RNF220: variants seen among roughly 807,000 people sequenced by gnomAD.
RNF220 encodes the protein E3 ubiquitin-protein ligase RNF220.
A neutral mutation model predicts 67.1 loss-of-function variants in RNF220; 7 were observed. The observed-to-expected ratio is 0.10, with a 90% CI of 0.06 to 0.20. RNF220 has a LOEUF of 0.20. Ranked by LOEUF, RNF220 falls within the 10% of genes least tolerant of loss-of-function variation. The pLI is 1.00. For synonymous variants in RNF220, 270 were observed against 283.2 expected, an observed-to-expected ratio of 0.95 and a Z score of 0.47; for missense variants, 565 against 740.3, an observed-to-expected ratio of 0.76 and a Z score of 2.75.
chr1:44,468,210 A>G (rs1654457345), intron 2 of RNF220, among the ~76,000 whole-genome samples: 1 of 144,554 alleles, frequency 6.9e-6, no homozygotes, highest in African/African-American at 2.5e-5. Context: ...TGTAATGTCT[A>G]CAAAGTGCAA....
chr1:44,418,757 A>G (rs1366718842), intron 2 of RNF220, among the ~76,000 whole-genome samples: 1 of 152,102 alleles, frequency 6.6e-6, no homozygotes, highest in African/African-American at 2.4e-5. Context: ...ATATTTTTAT[A>G]TTGGTTTTCT....
chr1:44,568,049 C>T (rs1328147018), intron 2 of RNF220, among the ~76,000 whole-genome samples: 6 of 152,322 alleles, frequency 3.9e-5, no homozygotes, highest in East Asian at 1.9e-4. Context: ...AGAGAATCAG[C>T]GCTGTGTCAC....
chr1:44,492,908 C>T lies in RNF220; in HGVS notation c.625+80186C>T, dbSNP rs566889507. Reference sequence around the variant, plus strand: ...CTGTGAAAATCCAAAATCTGAAATGCTCCAAAATCTGAATTTTTTTTTTTT... The same window carrying T: ...CTGTGAAAATCCAAAATCTGAAATGTTCCAAAATCTGAATTTTTTTTTTTT... On this transcript the variant is annotated intron_variant, in intron 2 of 14. Transcript: ENST00000361799. 6.6e-5 allele frequency among the ~76,000 whole-genome samples: 10 copies of T among 151,920 alleles called. No individual in the cohort carries two copies. The South Asian group carries it at 1.9e-3, about 28-fold the overall frequency.
intron 2 of RNF220, among the ~76,000 whole-genome samples, chr1:44,586,730 T>C (rs270714): frequency 0.49 from 74,806 of 152,014 alleles, 18,552 homozygotes; most frequent in Middle Eastern, 0.59. Flanking sequence ...ACCGCTCTCG[T>C]GGCAAAAATG....
Position 44,461,920 on chromosome 1 carries a change from C to CTT in RNF220, c.625+49200_625+49201dup, listed in dbSNP as rs1445179984. 9.1e-4 allele frequency among the ~76,000 whole-genome samples: 107 copies of CTT among 118,176 alleles called. 4 individuals carry two copies. The highest frequency in any genetic ancestry group is 3.5e-3 in the African/African-American group (101 of 29,266). The allele number at this position is 118,176 out of a possible 152,430, so 77.5% of individuals were successfully genotyped here. A position where few individuals can be genotyped will look rare whatever the true frequency, so the allele number is the denominator to read the frequency against. The stretch of plus-strand genomic sequence containing the variant: ...ATCATATTTTTTTCTTTTCTTTTTT[C>CTT]TTTGTTTTTTTTTTTTTTTTTTTTT... On this transcript the variant is annotated intron_variant, in intron 2 of 14. Transcript: ENST00000361799.
rs1227631360 is a variant in RNF220, at chr1:44,649,240, C to T, written c.1446-421C>T. 3 of 227,964 alleles carry T rather than the reference C, an allele frequency of 1.3e-5. No individual in the cohort carries two copies. Among genetic ancestry groups the T allele is most frequent in the South Asian group, 5.6e-5 (1 of 17,924 alleles). 14.1% of individuals were successfully genotyped at this position (227,964 alleles called of 1,614,324 possible). A position where few individuals can be genotyped will look rare whatever the true frequency, so the allele number is the denominator to read the frequency against. On this transcript the variant is annotated intron_variant, in intron 12 of 14. Coordinates refer to ENST00000361799, the MANE Select transcript of RNF220 (RefSeq NM_018150.4). The surrounding 1 kb of genome is among the most constrained non-coding windows in gnomAD (Gnocchi z 5.9). ...CTTTGAGAACATAAATTCCTCTAGGCGCTGGGAGAGTGGAATAGAGATGAG... is the reference window on the plus strand; with the variant it reads ...CTTTGAGAACATAAATTCCTCTAGGTGCTGGGAGAGTGGAATAGAGATGAG...
intron 5 of RNF220, 158 bp from the exon 6 acceptor site, chr1:44,632,185 A>G: frequency 1.9e-6 from 3 of 1,579,090 alleles, no homozygotes; most frequent in Non-Finnish European, 2.6e-6. Context: ...CCGGAGGAGC[A>G]GAGGGGCCGG....
chr1:44,489,971 C>T (rs1269370693), intron 2 of RNF220, among the ~76,000 whole-genome samples: 3 of 152,184 alleles, frequency 2.0e-5, no homozygotes, highest in Non-Finnish European at 4.4e-5. Flanking sequence ...CCTGCTCAGT[C>T]GTTATCCCTA....
intron 2 of RNF220, among the ~76,000 whole-genome samples, chr1:44,470,408 A>C (rs1654698990): frequency 6.6e-6 from 1 of 152,218 alleles, no homozygotes; most frequent in African/African-American, 2.4e-5. Flanking sequence ...ACATTTATTT[A>C]TGGAGTGTCT....
rs1352907339 is a variant in RNF220 at position 44,606,570 on chromosome 1, C to G, written c.626-7595C>G. Among the ~76,000 whole-genome samples the G allele has an allele frequency of 6.6e-6, 1 of 152,170 alleles. No homozygotes were observed. Among genetic ancestry groups the G allele is most frequent in the African/African-American group, 2.4e-5 (1 of 41,438 alleles). Reference sequence around the variant, plus strand: ...ACTGAGGACAGTAGAGTCCTTGCAACTCTTCCTTTCTTGGCTTCAATGACA... The same window carrying G: ...ACTGAGGACAGTAGAGTCCTTGCAAGTCTTCCTTTCTTGGCTTCAATGACA... On this transcript the variant is annotated intron_variant, in intron 2 of 14. Transcript: ENST00000361799. The surrounding 1 kb of genome is among the most constrained non-coding windows in gnomAD (Gnocchi z 4.2).
In RNF220 at chr1:44,515,376, G is replaced by A. The variant is rs114401984; in HGVS notation, c.626-98789G>A. Among the ~76,000 whole-genome samples, 873 of 152,236 alleles carry A rather than the reference G, an allele frequency of 5.7e-3. 9 individuals carry two copies. The highest frequency in any genetic ancestry group is 0.02 in the African/African-American group (847 of 41,540). On this transcript the variant is annotated intron_variant, in intron 2 of 14. Coordinates refer to ENST00000361799, the MANE Select transcript of RNF220 (RefSeq NM_018150.4). ...TTCTTGAATAATGTAGGTGTAGTTT[G>A]TGTGGTGATTATTGTGTTAGGTACA... is the stretch of plus-strand genomic sequence containing the variant.
chr1:44,629,546 A>C (rs1483806911), intron 5 of RNF220, among the ~76,000 whole-genome samples: 2 of 152,124 alleles, frequency 1.3e-5, no homozygotes, highest in Non-Finnish European at 2.9e-5. Flanking sequence ...AGTATAAATA[A>C]GTTTCTAGGG....
intron 2 of RNF220, among the ~76,000 whole-genome samples, chr1:44,521,188 C>T (rs1015754315): frequency 5.9e-5 from 9 of 152,188 alleles, no homozygotes; most frequent in South Asian, 2.1e-4. Flanking sequence ...TGAGCCACCA[C>T]CTAAGGTGAA....
At chr1:44,524,159 G>T (rs1231184770) in intron 2 of RNF220, among the ~76,000 whole-genome samples, 1 of 152,150 alleles carries the variant, frequency 6.6e-6, no homozygotes, top group Non-Finnish European at 1.5e-5. Context: ...GCTCCTCTCA[G>T]CAAGGGCTCG....
intron 2 of RNF220, among the ~76,000 whole-genome samples, chr1:44,515,667 G>A (rs996985497): frequency 8.5e-5 from 13 of 152,140 alleles, no homozygotes; most frequent in African/African-American, 3.1e-4. Flanking sequence ...GCCAGTATAG[G>A]GGAAAATGGC....
intron 2 of RNF220, among the ~76,000 whole-genome samples, chr1:44,457,422 T>G (rs1653303484): frequency 6.6e-6 from 1 of 152,136 alleles, no homozygotes; most frequent in Non-Finnish European, 1.5e-5. Flanking sequence ...GGAGTGAAGA[T>G]AATTCCAGGC....
At chr1:44,444,775 T>C (rs1651915066) in intron 2 of RNF220, among the ~76,000 whole-genome samples, 1 of 151,302 alleles carries the variant, frequency 6.6e-6, no homozygotes, top group East Asian at 1.9e-4. Flanking sequence ...GATGGTGATA[T>C]ACATTTGGGT....
intron 2 of RNF220, among the ~76,000 whole-genome samples, chr1:44,496,121 A>G (rs1657326538): frequency 6.6e-6 from 1 of 152,148 alleles, no homozygotes; most frequent in South Asian, 2.1e-4. Context: ...AAAGTGGAGA[A>G]TAAAGAGTAG....
chr1:44,444,454 T>C (rs931405615), intron 2 of RNF220, among the ~76,000 whole-genome samples: 1 of 152,192 alleles, frequency 6.6e-6, no homozygotes, highest in African/African-American at 2.4e-5. Flanking sequence ...TTCTTTCTTT[T>C]TTTTGAAATG....
Sources: allele counts gnomAD v4.1 joint callset (sites outside exome capture counted in the v4.1 genomes callset), GRCh38; gene constraint gnomAD v4.1.1; non-coding constraint Gnocchi (gnomAD v3.1); transcripts MANE v1.5; gene names NCBI Gene and HGNC (gene_info 2026-07-23, HGNC 2026-07-21).